Variants in SPRY3 observed in about 807,000 individuals in gnomAD.
The protein encoded by SPRY3 is sprouty RTK signaling antagonist 3, also known as protein sprouty homolog 3.
Under a neutral mutation model 20.2 loss-of-function variants are expected in SPRY3, and 15 were observed. The observed-to-expected ratio is 0.74, with a 90% CI of 0.50 to 1.14. The LOEUF is 1.14. SPRY3 is among the 50% of genes most tolerant of loss of function. The pLI, the probability that SPRY3 is intolerant of heterozygous loss-of-function variation, is 0.00. For missense variants in SPRY3, 364 were observed against 363.9 expected (o/e 1.00, Z 0.00); for synonymous variants, 143 against 136.5 (o/e 1.05, Z -0.33).
exon 4 of SPRY3, chrX:155,774,061 C>G: frequency 2.5e-6 from 4 of 1,613,954 alleles, no homozygotes; most frequent in Non-Finnish European, 3.4e-6. Context: ...TTCTCTCCCC[C>G]GCAGTCTCAG....
intron 1 of SPRY3, among the ~76,000 whole-genome samples, chrX:155,648,691 G>T (rs192858793): frequency 3.9e-4 from 44 of 111,518 alleles, no homozygotes; most frequent in African/African-American, 1.3e-3. Flanking sequence ...ATGCTATTTT[G>T]GTTACTGTAG....
chrX:155,749,215 T>C, intron 2 of SPRY3, among the ~76,000 whole-genome samples: 1 of 151,668 alleles, frequency 6.6e-6, no homozygotes, highest in East Asian at 1.9e-4. Context: ...ACCTAATGAG[T>C]GGTAACTATG....
intron 2 of SPRY3, among the ~76,000 whole-genome samples, chrX:155,705,325 G>A (rs646309): frequency 0.51 from 76,812 of 150,978 alleles, 18,530 homozygotes; most frequent in African/African-American, 0.68. Flanking sequence ...GTGATTTTTT[G>A]AATGTGTATC....
In SPRY3 at chrX:155,636,967, A is replaced by C. The variant is rs781997493; in HGVS notation, c.-440-19900A>C. On this transcript the variant is annotated intron_variant, in intron 1 of 3. Coordinates refer to ENST00000675360, the Ensembl canonical transcript of SPRY3. ...CCAAACACCACATATTCTCACTCATAGGTGGGAAATGAACAATGAGAACAC... is the reference window on the plus strand; with the variant it reads ...CCAAACACCACATATTCTCACTCATCGGTGGGAAATGAACAATGAGAACAC... 1.7e-4 allele frequency among the ~76,000 whole-genome samples: 17 copies of C among 97,270 alleles called. 1 individual carries two copies. The South Asian group carries it at 8.9e-3, about 51-fold the overall frequency. The allele number at this position is 97,270 out of a possible 115,157, so 84.5% of individuals were successfully genotyped here.
At chrX:155,774,271 G>A (rs2091405843) in exon 4 of SPRY3, 1 of 1,614,024 alleles carries the variant, frequency 6.2e-7, no homozygotes, top group Non-Finnish European at 8.5e-7. Flanking sequence ...GGGAGAAGCT[G>A]AGCAATCTGC....
chrX:155,688,000 CAT>C (rs1453659449), intron 2 of SPRY3, among the ~76,000 whole-genome samples: 1 of 110,308 alleles, frequency 9.1e-6, no homozygotes, highest in Admixed American at 9.6e-5. Context: ...AGGTATTAAG[CAT>C]AGCATCCATT....
At chrX:155,664,031 G>A (rs113172491) in intron 2 of SPRY3, among the ~76,000 whole-genome samples, 1,817 of 110,149 alleles carry the variant, frequency 0.016, 17 homozygotes, top group Non-Finnish European at 0.026. Flanking sequence ...TTAGATACAG[G>A]CACGCAATGC....
chrX:155,724,853 A>G (rs1348746912), intron 2 of SPRY3, among the ~76,000 whole-genome samples: 1 of 152,116 alleles, frequency 6.6e-6, no homozygotes, highest in Admixed American at 6.6e-5. Flanking sequence ...TTCCAACACT[A>G]TGTTGAGTAG....
At chrX:155,695,386 G>A (rs889786092) in intron 2 of SPRY3, among the ~76,000 whole-genome samples, 6 of 110,978 alleles carry the variant, frequency 5.4e-5, no homozygotes, top group Non-Finnish European at 7.6e-5. Context: ...ATGTGTCACT[G>A]TTCTCTAGAT....
At chrX:155,727,340 A>T (rs1158426827) in intron 2 of SPRY3, among the ~76,000 whole-genome samples, 1 of 152,034 alleles carries the variant, frequency 6.6e-6, no homozygotes, top group East Asian at 1.9e-4. Context: ...CTGAATTTGA[A>T]TGTTGGCCTG....
At chrX:155,768,775 G>C in intron 3 of SPRY3, among the ~76,000 whole-genome samples, 1 of 152,344 alleles carries the variant, frequency 6.6e-6, no homozygotes, top group Middle Eastern at 3.4e-3. Flanking sequence ...CTGTGAGCAC[G>C]TCTAGTTAGC....
chrX:155,742,931 A>G (rs1224689288), intron 2 of SPRY3, among the ~76,000 whole-genome samples: 2 of 151,008 alleles, frequency 1.3e-5, no homozygotes, highest in Non-Finnish European at 3.0e-5. Context: ...AAGAACTAAA[A>G]GAACCCCAAA....
chrX:155,764,682 A>G (rs1281211277), intron 2 of SPRY3, among the ~76,000 whole-genome samples: 2 of 152,090 alleles, frequency 1.3e-5, no homozygotes, highest in African/African-American at 2.4e-5. Context: ...AAGTGTGATA[A>G]GTTCTGCAAT....
intron 1 of SPRY3, among the ~76,000 whole-genome samples, chrX:155,633,265 G>T (rs1468599974): frequency 9.3e-6 from 1 of 107,392 alleles, no homozygotes; most frequent in East Asian, 2.9e-4. Context: ...ACCAGGCCGG[G>T]CACGGTGGCT....
intron 2 of SPRY3, among the ~76,000 whole-genome samples, chrX:155,761,826 A>T (rs1356543998): frequency 2.7e-5 from 4 of 148,558 alleles, no homozygotes; most frequent in African/African-American, 5.0e-5. Context: ...GCATTTTTTC[A>T]TATGTTTGTT....
intron 2 of SPRY3, among the ~76,000 whole-genome samples, chrX:155,667,270 T>C (rs782186990): frequency 6.3e-5 from 7 of 110,796 alleles, no homozygotes; most frequent in Non-Finnish European, 1.1e-4. Context: ...GGCATTTTGT[T>C]TGTTGTTTTC....
intron 2 of SPRY3, among the ~76,000 whole-genome samples, chrX:155,738,967 C>G (rs1052852763): frequency 1.3e-5 from 2 of 152,196 alleles, no homozygotes; most frequent in African/African-American, 2.4e-5. Flanking sequence ...TCACAACCCA[C>G]TGGGTTAGAA....
At chrX:155,721,219 G>C (rs1363628093) in intron 2 of SPRY3, among the ~76,000 whole-genome samples, 2 of 152,078 alleles carry the variant, frequency 1.3e-5, no homozygotes, top group Admixed American at 6.5e-5. Context: ...TAGTGAGCTT[G>C]AAGACAGGCT....
intron 2 of SPRY3, among the ~76,000 whole-genome samples, chrX:155,765,310 A>C: frequency 6.6e-6 from 1 of 151,940 alleles, no homozygotes; most frequent in African/African-American, 2.4e-5. Flanking sequence ...AGTCAGCCTG[A>C]GTTAAAATCC....
Sources: gnomAD v4.1 joint callset for allele counts (sites outside exome capture counted in the v4.1 genomes callset) on GRCh38, gnomAD v4.1.1 for gene constraint, MANE v1.5 for transcripts, NCBI Gene and HGNC (gene_info 2026-07-23, HGNC 2026-07-21) for gene names.